Variants in RAP1GAP observed in about 807,000 individuals in gnomAD.
RAP1GAP encodes RAP1 GTPase activating protein.
In RAP1GAP, 35 loss-of-function variants were observed where a neutral mutation model predicts 87.2. That is an observed-to-expected ratio of 0.40 (90% CI 0.31 to 0.53). The LOEUF is 0.53. RAP1GAP is among the 20% of genes least tolerant of loss of function. The pLI is 0.48. For missense variants in RAP1GAP, 734 were observed against 898.9 expected (o/e 0.82, Z 2.35); for synonymous variants, 375 against 363.9 (o/e 1.03, Z -0.35).
rs772591739 is a variant in RAP1GAP, at chr1:21,613,999, G to A, written c.382C>T (p.Arg128Trp). The A allele has an allele frequency of 7.5e-6, 12 of 1,609,684 alleles. No individual in the cohort carries two copies. Among genetic ancestry groups the A allele is most frequent in the South Asian group, 2.2e-5 (2 of 90,494 alleles). The change falls in exon 8 of 25, where the codon CGG (arginine) becomes TGG (tryptophan). Residue 128 changes from arginine (R) to tryptophan (W), a missense_variant. Coordinates refer to ENST00000374765, the MANE Select transcript of RAP1GAP (RefSeq NM_002885.4). The surrounding 1 kb of genome is among the most constrained non-coding windows in gnomAD (Gnocchi z 4.7). ...YDVIGDQEHL[R>W]LLLRTKCRTY... ...CACCACCCTCACCTGAGCAGCAGCC[G>A]CAGGTGCTCTTGGTCCCCGATGACA... is the stretch of plus-strand genomic sequence containing the variant.
At chr1:21,649,707 CT>C in intron 2 of RAP1GAP, 53 bp downstream of exon 2, 1 of 1,521,734 alleles carries the variant, frequency 6.6e-7, no homozygotes, top group Non-Finnish European at 8.9e-7. Flanking sequence ...TTGGGGGTAT[CT>C]GCAGGGACCA....
intron 2 of RAP1GAP, among the ~76,000 whole-genome samples, chr1:21,644,572 C>T (rs566878301): frequency 2.1e-4 from 32 of 152,164 alleles, no homozygotes; most frequent in Non-Finnish European, 4.3e-4. Flanking sequence ...TCGGCAAGGA[C>T]CAGCTCTTGT....
chr1:21,659,093 C>A (rs1323939224), intron 1 of RAP1GAP, among the ~76,000 whole-genome samples: 1 of 151,950 alleles, frequency 6.6e-6, no homozygotes, highest in Non-Finnish European at 1.5e-5. Flanking sequence ...TTAGTAGAGT[C>A]GGGGTTTTTC....
chr1:21,666,639 C>T (rs374749857), intron 1 of RAP1GAP, among the ~76,000 whole-genome samples: 6 of 152,042 alleles, frequency 3.9e-5, no homozygotes, highest in Non-Finnish European at 7.4e-5. Context: ...TGGGGACGGT[C>T]GGGGGCCTCC....
intron 3 of RAP1GAP, among the ~76,000 whole-genome samples, chr1:21,624,843 GCT>G (rs10594675): frequency 0.8 from 121,611 of 151,298 alleles, 49,734 homozygotes; most frequent in East Asian, 0.97. Flanking sequence ...GCTATGGGCT[GCT>G]CTCTCTCTCT....
At chr1:21,630,869 T>C (rs2093593416) in intron 2 of RAP1GAP, among the ~76,000 whole-genome samples, 1 of 152,074 alleles carries the variant, frequency 6.6e-6, no homozygotes, top group African/African-American at 2.4e-5. Context: ...AATAAATACT[T>C]TTGAAGCAAT....
At chr1:21,651,784 G>A (rs1229658691) in intron 1 of RAP1GAP, 19 of 1,428,544 alleles carry the variant, frequency 1.3e-5, no homozygotes, top group Non-Finnish European at 8.2e-6. Context: ...CCTACCCGCC[G>A]TAGGCCCCGA....
At chr1:21,655,058 T>C (rs1453596733) in intron 1 of RAP1GAP, among the ~76,000 whole-genome samples, 1 of 150,178 alleles carries the variant, frequency 6.7e-6, no homozygotes. Flanking sequence ...GAGAATTGCT[T>C]GAACCCAGGA....
chr1:21,608,974 G>A (rs12130950), intron 15 of RAP1GAP, 38 bp from the exon 16 acceptor site: 204,331 of 1,548,786 alleles, frequency 0.13, 14,057 homozygotes, highest in South Asian at 0.18. Context: ...AGGAAGGGAA[G>A]TTGAGATGAC....
At position 21,608,270 on chromosome 1, in the gene RAP1GAP, G is replaced by A. The variant is rs2076079800; in HGVS notation, c.1239C>T (p.Gly413=). 1 of 1,614,080 alleles carries A rather than the reference G, an allele frequency of 6.2e-7. No individual in the cohort carries two copies. The highest frequency in any genetic ancestry group is 8.5e-7 in the Non-Finnish European group (1 of 1,179,974). ...IHSQSMMGLG[G]DEDKMENGSG... ...TGCCATTCTCCATCTTGTCCTCGTCGCCGCCCAAGCCCATCATGGACTGGC... is the reference window on the plus strand; with the variant it reads ...TGCCATTCTCCATCTTGTCCTCGTCACCGCCCAAGCCCATCATGGACTGGC... The change falls in exon 17 of 25, where the codon GGC becomes GGT. Residue 413 remains glycine (G), a synonymous_variant. Coordinates refer to ENST00000374765, the MANE Select transcript of RAP1GAP (RefSeq NM_002885.4).
In RAP1GAP at chr1:21,626,340, G is replaced by A; in HGVS notation, c.-55C>T. ...GTGAAGGAGTATAGGAGGGAACTAAGTTCACTCGTGACAGGTCTAGTGCCT... is the reference window on the plus strand; with the variant it reads ...GTGAAGGAGTATAGGAGGGAACTAAATTCACTCGTGACAGGTCTAGTGCCT... On this transcript the variant is annotated 5_prime_UTR_variant, in exon 3 of 25. Coordinates refer to ENST00000374765, the MANE Select transcript of RAP1GAP (RefSeq NM_002885.4). 1 of 1,612,918 alleles carries A rather than the reference G, an allele frequency of 6.2e-7. No individual in the cohort carries two copies. Among genetic ancestry groups the A allele is most frequent in the Non-Finnish European group, 8.5e-7 (1 of 1,179,002 alleles).
Position 21,612,163 on chromosome 1 carries a change from G to T in RAP1GAP, c.529-54C>A, listed in dbSNP as rs572461225. 1.0e-5 allele frequency: 14 copies of T among 1,385,506 alleles called. No individual in the cohort carries two copies. The South Asian group carries it at 1.7e-4, about 17-fold the overall frequency. 85.8% of individuals were successfully genotyped at this position (1,385,506 alleles called of 1,614,324 possible). On this transcript the variant is annotated intron_variant, in intron 10 of 24. Coordinates refer to ENST00000374765, the MANE Select transcript of RAP1GAP (RefSeq NM_002885.4). ...CTGCGTGTGCAAGCTGCCATTCGAC[G>T]TGCTCTTCCCCCGTGCCAAGCACTG...
At chr1:21,630,614 A>T (rs1255233257) in intron 2 of RAP1GAP, among the ~76,000 whole-genome samples, 1 of 151,662 alleles carries the variant, frequency 6.6e-6, no homozygotes, top group Non-Finnish European at 1.5e-5. Context: ...GTGCAGTGGC[A>T]TGATCATGGC....
intron 4 of RAP1GAP, among the ~76,000 whole-genome samples, 180 bp from the exon 5 acceptor site, chr1:21,619,252 T>C (rs2084781158): frequency 6.6e-6 from 1 of 151,820 alleles, no homozygotes; most frequent in African/African-American, 2.4e-5. Flanking sequence ...GCTGTCCCGG[T>C]AGTGACCGGG....
chr1:21,631,524 A>C (rs2093727584), intron 2 of RAP1GAP, among the ~76,000 whole-genome samples: 1 of 152,164 alleles, frequency 6.6e-6, no homozygotes, highest in Non-Finnish European at 1.5e-5. Flanking sequence ...CATCTCTGCT[A>C]AAAATACAAA....
At chr1:21,647,412 C>T (rs1180840907) in intron 2 of RAP1GAP, among the ~76,000 whole-genome samples, 3 of 152,162 alleles carry the variant, frequency 2.0e-5, no homozygotes, top group Admixed American at 6.5e-5. Flanking sequence ...TGCAGTGAGC[C>T]GAGACTGCAC....
chr1:21,645,789 G>A (rs1271162583), intron 2 of RAP1GAP, among the ~76,000 whole-genome samples: 1 of 152,248 alleles, frequency 6.6e-6, no homozygotes, highest in Non-Finnish European at 1.5e-5. Flanking sequence ...GGCTGTGCCT[G>A]CTTGGCATTT....
chr1:21,598,634 T>A (rs1328387508), intron 21 of RAP1GAP, 132 bp from the exon 22 acceptor site: 3 of 729,110 alleles, frequency 4.1e-6, no homozygotes, highest in Non-Finnish European at 4.6e-6. Context: ...AGGACGGGCC[T>A]AGCCATGTCT....
At chr1:21,602,372 G>A (rs1032203024) in intron 19 of RAP1GAP, among the ~76,000 whole-genome samples, 1 of 152,210 alleles carries the variant, frequency 6.6e-6, no homozygotes, top group Non-Finnish European at 1.5e-5. Flanking sequence ...GATGTCCGGG[G>A]GCAGCCCTGC....
Sources: gnomAD v4.1 joint callset for allele counts (sites outside exome capture counted in the v4.1 genomes callset) on GRCh38, gnomAD v4.1.1 for gene constraint, Gnocchi (gnomAD v3.1) non-coding constraint, MANE v1.5 for transcripts, NCBI Gene and HGNC (gene_info 2026-07-23, HGNC 2026-07-21) for gene names.